The following TOM1 variants were observed in gnomAD, a reference collection of about 807,000 sequenced individuals.
TOM1 encodes the protein target of myb1 membrane trafficking protein.
TOM1 carries 38 observed loss-of-function variants against 61.3 expected under a neutral mutation model. The ratio of observed to expected loss-of-function variants is 0.62; its 90% confidence interval spans 0.48 to 0.81. The LOEUF (loss-of-function observed/expected upper bound fraction) is 0.81. TOM1 is among the 40% of genes least tolerant of loss of function. The probability of loss-of-function intolerance (pLI) is 0.00; values close to 1 mark genes in which losing one functional copy is unlikely to be tolerated. For synonymous variants in TOM1, 270 were observed against 268.8 expected (o/e 1.00, Z -0.04); for missense variants, 591 against 659.6 (o/e 0.90, Z 1.14).
At position 35,327,169 on chromosome 22, in the gene TOM1, C is replaced by T. The variant is rs533223715; in HGVS notation, c.649-102C>T. On this transcript the variant is annotated intron_variant, in intron 6 of 14. Coordinates refer to ENST00000449058, the MANE Select transcript of TOM1 (RefSeq NM_005488.3). ...GAGAGGCTGCTGGGAGGTCGGCTCC[C>T]TGGTGCTGCACCCAGGGTTGGTGGT... 2.5e-5 allele frequency: 29 copies of T among 1,157,088 alleles called. No individual in the cohort carries two copies. In the African/African-American group the frequency reaches 3.6e-4, roughly 14 times the overall value. 71.7% of individuals were successfully genotyped at this position (1,157,088 alleles called of 1,614,324 possible).
chr22:35,299,974 C>T lies in TOM1; in HGVS notation c.46C>T (p.Arg16Cys). Residue 16 changes from arginine to cysteine, a missense_variant, in exon 1 of 15, where the codon CGC (arginine) becomes TGC (cysteine). Transcript: ENST00000449058. Reference sequence around the variant, plus strand: ...CCCGTTCAGCTCTCCAGTGGGACAGCGCATCGGTGAGTCCCTGGAGCCCCC... The same window carrying T: ...CCCGTTCAGCTCTCCAGTGGGACAGTGCATCGGTGAGTCCCTGGAGCCCCC... ...GNPFSSPVGQRIEKATDGSLQ... is the reference protein window; with the variant it reads ...GNPFSSPVGQCIEKATDGSLQ... The T allele has an allele frequency of 6.3e-7, 1 of 1,575,676 alleles. No individual in the cohort carries two copies. The highest frequency in any genetic ancestry group is 8.6e-7 in the Non-Finnish European group (1 of 1,159,530).
intron 11 of TOM1, 30 bp from the exon 12 acceptor site, chr22:35,338,683 C>A (rs1287493838): frequency 2.0e-6 from 3 of 1,517,220 alleles, no homozygotes; most frequent in Non-Finnish European, 2.7e-6. Flanking sequence ...GTAAGGGCAG[C>A]ATCCAATGGC....
At chr22:35,336,679 T>C (rs1224980678) in intron 11 of TOM1, 1 of 152,370 alleles carries the variant, frequency 6.6e-6, no homozygotes, top group Non-Finnish European at 1.5e-5. Context: ...CTTAGACAAG[T>C]GTCACCCCAG....
chr22:35,347,122 A>C lies in TOM1; in HGVS notation c.1392A>C (p.Ser464=). 6.2e-7 allele frequency: 1 copy of C among 1,612,892 alleles called. No homozygotes were observed. Among genetic ancestry groups the C allele is most frequent in the Non-Finnish European group, 8.5e-7 (1 of 1,179,400 alleles). ...GATTGCCCAACCTCTCCAGCCCCTC[A>C]GCTGAGGGGCCCCCGGGTCCCCCAT... The part of the protein sequence containing the change: ...ADRLPNLSSP[S]AEGPPGPPSG... The change falls in exon 15 of 15, where the codon TCA becomes TCC. Residue 464 remains serine (S), a synonymous_variant. Coordinates refer to ENST00000449058, the MANE Select transcript of TOM1 (RefSeq NM_005488.3).
chr22:35,333,412 T>C lies in TOM1; in HGVS notation c.942T>C (p.Ser314=), dbSNP rs1173566299. Residue 314 remains serine, a synonymous_variant, in exon 10 of 15, where the codon AGT becomes AGC. Transcript: ENST00000449058. ...FRTGQTTKAP[S]EAEPAADLID... ...ATCTCCCTTCCCACCAGGCCCCAAG[T>C]GAGGCCGAGCCGGCAGCTGACCTGA... The C allele has an allele frequency of 6.2e-7, 1 of 1,613,898 alleles. No homozygotes were observed. The highest frequency in any genetic ancestry group is 8.5e-7 in the Non-Finnish European group (1 of 1,179,934).
At chr22:35,320,915 C>T (rs536360175) in intron 2 of TOM1, among the ~76,000 whole-genome samples, 4 of 146,578 alleles carry the variant, frequency 2.7e-5, no homozygotes, top group African/African-American at 5.0e-5. Flanking sequence ...CCAGGAGTTC[C>T]GGGCTACAGC....
At chr22:35,333,187 G>A in intron 9 of TOM1, 173 bp downstream of exon 9, 1 of 834,866 alleles carries the variant, frequency 1.2e-6, no homozygotes. Context: ...AAATAAGGCT[G>A]TGCCACCACC....
chr22:35,305,199 C>CCAG (rs1926207513), intron 1 of TOM1, among the ~76,000 whole-genome samples: 1 of 152,170 alleles, frequency 6.6e-6, no homozygotes, highest in African/African-American at 2.4e-5. Flanking sequence ...ACACCTGGTT[C>CCAG]CAGCTCTGGT....
At chr22:35,336,453 C>T (rs916739623) in intron 11 of TOM1, among the ~76,000 whole-genome samples, 5 of 152,244 alleles carry the variant, frequency 3.3e-5, no homozygotes, top group Non-Finnish European at 4.4e-5. Flanking sequence ...CCTTATCAGC[C>T]GCTGTTTCTG....
At chr22:35,330,849 G>A (rs890465087) in intron 8 of TOM1, among the ~76,000 whole-genome samples, 1 of 152,224 alleles carries the variant, frequency 6.6e-6, no homozygotes, top group Non-Finnish European at 1.5e-5. Flanking sequence ...ACTGCTGCAA[G>A]CTACACAAAA....
chr22:35,303,847 C>T (rs1028032578), intron 1 of TOM1, among the ~76,000 whole-genome samples: 5 of 152,146 alleles, frequency 3.3e-5, no homozygotes, highest in Non-Finnish European at 7.3e-5. Flanking sequence ...CCGTCCCACT[C>T]TGTTAGTGGT....
At chr22:35,316,457 G>T (rs1434891378) in intron 1 of TOM1, among the ~76,000 whole-genome samples, 1 of 152,214 alleles carries the variant, frequency 6.6e-6, no homozygotes, top group Non-Finnish European at 1.5e-5. Context: ...CGTTTACAAA[G>T]GTGCTGGCAT....
chr22:35,314,235 A>C (rs1299620488), intron 1 of TOM1, among the ~76,000 whole-genome samples: 1 of 152,070 alleles, frequency 6.6e-6, no homozygotes, highest in Non-Finnish European at 1.5e-5. Flanking sequence ...CAGCCTCCCA[A>C]CAGCTGTCTT....
intron 11 of TOM1, among the ~76,000 whole-genome samples, chr22:35,338,331 C>G (rs1929562810): frequency 6.6e-6 from 1 of 152,208 alleles, no homozygotes; most frequent in South Asian, 2.1e-4. Flanking sequence ...CAAATACGAC[C>G]TCATACACAA....
intron 2 of TOM1, 121 bp from the exon 3 acceptor site, chr22:35,321,838 C>T (rs111823603): frequency 1.3e-5 from 11 of 874,252 alleles, no homozygotes; most frequent in Non-Finnish European, 3.9e-6. Context: ...TGGCTGGATA[C>T]ACAAAACAGG....
intron 6 of TOM1, among the ~76,000 whole-genome samples, chr22:35,326,618 A>G (rs1323079321): frequency 1.3e-5 from 2 of 152,232 alleles, no homozygotes; most frequent in East Asian, 3.9e-4. Context: ...TAGGAGGAGA[A>G]AGAGGGCAGA....
Position 35,334,474 on chromosome 22 carries a change from C to G in TOM1, c.1148+26C>G, listed in dbSNP as rs750118972. The G allele has an allele frequency of 8.1e-6, 13 of 1,612,910 alleles. 1 individual carries two copies. Among genetic ancestry groups the G allele is most frequent in the Non-Finnish European group, 9.3e-6 (11 of 1,179,810 alleles). On this transcript the variant is annotated intron_variant, in intron 11 of 14. Transcript: ENST00000449058. The stretch of plus-strand genomic sequence containing the variant: ...GTGAGTGGCCTGGCCCTGCCCTGGT[C>G]CCCTGCAGTTCGGGTGGCTCTCGGG...
At position 35,319,410 on chromosome 22, in the gene TOM1, G is replaced by A. The variant is rs143894620; in HGVS notation, c.137+1449G>A. 1.7e-3 allele frequency among the ~76,000 whole-genome samples: 257 copies of A among 152,298 alleles called. 2 individuals are homozygous for A. The highest frequency in any genetic ancestry group is 6.8e-3 in the Middle Eastern group (2 of 294). Reference sequence around the variant, plus strand: ...AAGCATGGCACCTAAACTTAGCCTCGTTGCTAAAGTGTCTCCCCCACTGGG... The same window carrying A: ...AAGCATGGCACCTAAACTTAGCCTCATTGCTAAAGTGTCTCCCCCACTGGG... On this transcript the variant is annotated intron_variant, in intron 2 of 14. Transcript: ENST00000449058.
intron 12 of TOM1, chr22:35,345,189 C>G (rs910790464): frequency 2.4e-5 from 4 of 164,400 alleles, no homozygotes; most frequent in East Asian, 1.6e-4. Flanking sequence ...AACTTCGCGC[C>G]TCTGCTCTCA....
Sources: allele counts gnomAD v4.1 joint callset (sites outside exome capture counted in the v4.1 genomes callset), GRCh38; gene constraint gnomAD v4.1.1; transcripts MANE v1.5; gene names NCBI Gene and HGNC (gene_info 2026-07-23, HGNC 2026-07-21).